SELENBP1: variants seen among roughly 807,000 people sequenced by gnomAD.
SELENBP1 encodes selenium binding protein 1.
A neutral mutation model predicts 61.0 loss-of-function variants in SELENBP1; 71 were observed. The observed-to-expected ratio is 1.16, with a 90% CI of 0.96 to 1.42. SELENBP1 has a LOEUF of 1.42. SELENBP1 is among the 40% of genes most tolerant of loss of function. The pLI is 0.00. For synonymous variants in SELENBP1, 270 were observed against 238.9 expected, an observed-to-expected ratio of 1.13 and a Z score of -1.20; for missense variants, 561 against 605.0, an observed-to-expected ratio of 0.93 and a Z score of 0.76.
At position 151,369,020 on chromosome 1, in the gene SELENBP1, G is replaced by T. The variant is rs1203180637; in HGVS notation, c.344C>A (p.Ala115Asp). Residue 115 changes from alanine to aspartate, a missense_variant, in exon 4 of 12, where the codon GCC becomes GAC. Ala to Asp is a moderately radical substitution (Grantham distance 126). Coordinates refer to ENST00000368868, the MANE Select transcript of SELENBP1 (RefSeq NM_003944.4). ...AGGACATGCCTTGTGCAGCTTTGGG[G>T]CCCGGGGCTCAGAGCCCACGTCCAC... is the stretch of plus-strand genomic sequence containing the variant. The part of the protein sequence containing the change: ...YVVDVGSEPR[A>D]PKLHKVIEPK... 2.5e-6 allele frequency: 4 copies of T among 1,611,302 alleles called. No homozygotes were observed. In the African/African-American group the frequency reaches 5.3e-5, roughly 22 times the overall value.
intron 1 of SELENBP1, among the ~76,000 whole-genome samples, chr1:151,371,615 G>T (rs553553026): frequency 2.0e-5 from 3 of 152,142 alleles, no homozygotes; most frequent in South Asian, 2.1e-4. Context: ...CAGATGACAG[G>T]GGGTGGGGAA....
chr1:151,364,882 G>A lies in SELENBP1; in HGVS notation c.1256+44C>T, dbSNP rs949122539. 4 of 1,589,924 alleles carry A rather than the reference G, an allele frequency of 2.5e-6. 1 individual carries two copies. Among genetic ancestry groups the A allele is most frequent in the Admixed American group, 1.7e-5 (1 of 59,746 alleles). On this transcript the variant is annotated intron_variant, in intron 11 of 11. Coordinates refer to ENST00000368868, the MANE Select transcript of SELENBP1 (RefSeq NM_003944.4). ...TTCAGAAAGCCAAATGACCCCTCTG[G>A]AAGAGGAGGGCTGGGGAGGAGAGCC... is the stretch of plus-strand genomic sequence containing the variant.
intron 11 of SELENBP1, 77 bp downstream of exon 11, chr1:151,364,849 G>T: frequency 6.5e-7 from 1 of 1,530,894 alleles, no homozygotes; most frequent in Non-Finnish European, 9.0e-7. Context: ...GGGTCTCCTT[G>T]AGGAGTCTTC....
rs776536502 is a variant in SELENBP1, at chr1:151,368,311, C to A, written c.369G>T (p.Glu123Asp). The change falls in exon 5 of 12, where the codon GAG (glutamate) becomes GAT (aspartate). Residue 123 changes from glutamate to aspartate, a missense_variant. Glu to Asp is a conservative substitution (Grantham distance 45). Coordinates refer to ENST00000368868, the MANE Select transcript of SELENBP1 (RefSeq NM_003944.4). Reference protein sequence around the residue: ...PRAPKLHKVIEPKDIHAKCEL... With the variant: ...PRAPKLHKVIDPKDIHAKCEL... Reference sequence around the variant, plus strand: ...CGCACTTGGCATGGATGTCCTTGGGCTCAATGACCTGGAAGGGGTGGGGAA... The same window carrying A: ...CGCACTTGGCATGGATGTCCTTGGGATCAATGACCTGGAAGGGGTGGGGAA... 1 of 1,614,054 alleles carries A rather than the reference C, an allele frequency of 6.2e-7. No homozygotes were observed. Among genetic ancestry groups the A allele is most frequent in the African/African-American group, 1.3e-5 (1 of 74,930 alleles).
chr1:151,365,996 C>T, intron 7 of SELENBP1, 150 bp from the exon 8 acceptor site: 2 of 837,900 alleles, frequency 2.4e-6, no homozygotes, highest in East Asian at 2.6e-5. Flanking sequence ...TCCATGCAAG[C>T]CCCTTGAGGC....
At chr1:151,371,892 G>A (rs564329950) in intron 1 of SELENBP1, among the ~76,000 whole-genome samples, 1 of 152,206 alleles carries the variant, frequency 6.6e-6, no homozygotes, top group East Asian at 1.9e-4. Context: ...TCTCAAGCAA[G>A]GTCTCGGAGC....
At chr1:151,367,062 T>C in intron 5 of SELENBP1, 158 bp from the exon 6 acceptor site, 1 of 1,433,444 alleles carries the variant, frequency 7.0e-7, no homozygotes, top group Non-Finnish European at 9.1e-7. Flanking sequence ...CATCCAGGGC[T>C]GGGGGAAGAG....
At position 151,365,808 on chromosome 1, in the gene SELENBP1, G is replaced by A; in HGVS notation, c.882C>T (p.Pro294=). 2.5e-6 allele frequency: 4 copies of A among 1,614,152 alleles called. No homozygotes were observed. The highest frequency in any genetic ancestry group is 1.1e-5 in the South Asian group (1 of 91,074). Reference sequence around the variant, plus strand: ...GCAGCCAGCCCTTCACTTTCTTGGGGGGCACCTGGATCACCTTCTCCACTG... The same window carrying A: ...GCAGCCAGCCCTTCACTTTCTTGGGAGGCACCTGGATCACCTTCTCCACTG... ...TWSVEKVIQV[P]PKKVKGWLLP... The change falls in exon 8 of 12, where the codon CCC becomes CCT. Residue 294 remains proline, a synonymous_variant. Coordinates refer to ENST00000368868, the MANE Select transcript of SELENBP1 (RefSeq NM_003944.4).
At chr1:151,365,969 T>G in intron 7 of SELENBP1, 123 bp from the exon 8 acceptor site, 1 of 1,051,820 alleles carries the variant, frequency 9.5e-7, no homozygotes, top group Non-Finnish European at 1.4e-6. Context: ...CCGGCCTTCT[T>G]GCCAGCAGGA....
In SELENBP1 at chr1:151,372,698, G is replaced by T. The variant is rs1652198529; in HGVS notation, c.-57C>A. The stretch of plus-strand genomic sequence containing the variant: ...GTTTGCTGTGCTGGTGTCAGAGGCC[G>T]CTGTTCCGGGGAAGGAGCGAAGGGA... On this transcript the variant is annotated 5_prime_UTR_variant, in exon 1 of 12. Coordinates refer to ENST00000368868, the MANE Select transcript of SELENBP1 (RefSeq NM_003944.4). The T allele has an allele frequency of 1.9e-6, 3 of 1,613,422 alleles. No individual in the cohort carries two copies. Among genetic ancestry groups the T allele is most frequent in the Admixed American group, 1.7e-5 (1 of 59,978 alleles).
In SELENBP1 at chr1:151,364,725, G is replaced by A. The variant is rs1230269721; in HGVS notation, c.1257-20C>T. 1 of 1,561,354 alleles carries A rather than the reference G, an allele frequency of 6.4e-7. No individual in the cohort carries two copies. The highest frequency in any genetic ancestry group is 8.7e-7 in the Non-Finnish European group (1 of 1,153,624). On this transcript the variant is annotated intron_variant, in intron 11 of 11. Coordinates refer to ENST00000368868, the MANE Select transcript of SELENBP1 (RefSeq NM_003944.4). The stretch of plus-strand genomic sequence containing the variant: ...CCTTCCCTGGTGGAAAAGGGAATGG[G>A]GTAAGGGAGAGGTCAGAGGTGGCTG...
intron 7 of SELENBP1, 62 bp downstream of exon 7, chr1:151,366,213 C>T: frequency 3.8e-6 from 6 of 1,560,150 alleles, no homozygotes; most frequent in Non-Finnish European, 4.3e-6. Flanking sequence ...GTTACAGAAG[C>T]CTGCTTAGGT....
intron 6 of SELENBP1, 23 bp downstream of exon 6, chr1:151,366,699 C>A: frequency 6.2e-7 from 1 of 1,608,852 alleles, no homozygotes; most frequent in South Asian, 1.1e-5. Flanking sequence ...AAGGCTCCTG[C>A]TGGCACATGG....
At chr1:151,371,294 G>T (rs1652126396) in intron 1 of SELENBP1, among the ~76,000 whole-genome samples, 1 of 152,052 alleles carries the variant, frequency 6.6e-6, no homozygotes, top group African/African-American at 2.4e-5. Flanking sequence ...TGTAATCCCA[G>T]CTACTTGGGA....
In SELENBP1 at chr1:151,369,124, G is replaced by T. The variant is rs1374189262; in HGVS notation, c.240C>A (p.Cys80Ter). 6.2e-7 allele frequency: 1 copy of T among 1,614,066 alleles called. No homozygotes were observed. The highest frequency in any genetic ancestry group is 2.2e-5 in the East Asian group (1 of 44,884). The change falls in exon 4 of 12, where the codon TGC (cysteine) becomes TGA (stop). Residue 80 changes from cysteine (C) to a stop codon, truncating the protein, a stop_gained. Coordinates refer to ENST00000368868, the MANE Select transcript of SELENBP1 (RefSeq NM_003944.4). LOFTEE classifies it high-confidence loss of function. ...DELHHSGWNT[C>*]SSCFGDSTKS... Reference sequence around the variant, plus strand: ...TGGTGCTATCACCGAAGCAGCTGCTGCAGGTGTTCCATCCTGAGTGATGCA... The same window carrying T: ...TGGTGCTATCACCGAAGCAGCTGCTTCAGGTGTTCCATCCTGAGTGATGCA...
intron 7 of SELENBP1, 157 bp downstream of exon 7, chr1:151,366,118 A>G: frequency 1.1e-6 from 1 of 895,192 alleles, no homozygotes. Context: ...GTTAGGGTTC[A>G]GGCAGAAGTT....
At chr1:151,364,872 G>C in intron 11 of SELENBP1, 54 bp downstream of exon 11, 4 of 1,573,876 alleles carry the variant, frequency 2.5e-6, no homozygotes, top group South Asian at 2.2e-5. Flanking sequence ...AAAGCCAAAT[G>C]ACCCCTCTGG....
Position 151,366,774 on chromosome 1 carries a change from C to T in SELENBP1, c.612G>A (p.Trp204Ter), listed in dbSNP as rs1174767056. The T allele has an allele frequency of 6.2e-7, 1 of 1,614,028 alleles. No homozygotes were observed. Among genetic ancestry groups the T allele is most frequent in the Non-Finnish European group, 8.5e-7 (1 of 1,180,000 alleles). The change falls in exon 6 of 12, where the codon TGG becomes TGA. Residue 204 changes from tryptophan to a stop codon, truncating the protein, a stop_gained. Coordinates refer to ENST00000368868, the MANE Select transcript of SELENBP1 (RefSeq NM_003944.4). LOFTEE classifies it high-confidence loss of function. ...CATCTCGTAAGACATTGGGAGCTGC[C>T]CACTCAGTGCTGATCATGACATTGT... Reference protein sequence around the residue: ...PRHNVMISTEWAAPNVLRDGF... With the variant: ...PRHNVMISTE
chr1:151,368,501 G>C (rs915303445), intron 4 of SELENBP1, among the ~76,000 whole-genome samples, 182 bp from the exon 5 acceptor site: 13 of 152,240 alleles, frequency 8.5e-5, no homozygotes, highest in Non-Finnish European at 1.6e-4. Flanking sequence ...AGCAGCAAGG[G>C]AAAGTCAGAG....
Sources: gnomAD v4.1 joint callset for allele counts (sites outside exome capture counted in the v4.1 genomes callset) on GRCh38, gnomAD v4.1.1 for gene constraint, MANE v1.5 for transcripts, NCBI Gene and HGNC (gene_info 2026-07-23, HGNC 2026-07-21) for gene names.